Variants in PHEX observed in about 807,000 individuals in gnomAD.
PHEX encodes the protein phosphate-regulating neutral endopeptidase PHEX.
A neutral mutation model predicts 68.0 loss-of-function variants in PHEX; 16 were observed. The observed-to-expected ratio is 0.24, with a 90% confidence interval of 0.16 to 0.36. The LOEUF is 0.36. Among genes scored for constraint, PHEX ranks in the 10% least tolerant of loss-of-function variants. PHEX has a pLI of 1.00. For missense variants in PHEX, 480 were observed against 575.5 expected (o/e 0.83, Z 1.70); for synonymous variants, 208 against 205.1 (o/e 1.01, Z -0.12).
At position 22,099,097 on chromosome X, in the gene PHEX, G is replaced by A. The variant is rs376461141; in HGVS notation, c.1025G>A (p.Arg342His). 4.1e-5 allele frequency: 50 copies of A among 1,205,851 alleles called. 1 individual carries two copies. The South Asian group carries it at 6.7e-4, about 16-fold the overall frequency. Residue 342 changes from arginine to histidine, a missense_variant, in exon 9 of 22, where the codon CGC becomes CAC. Arg to His is a conservative substitution (Grantham distance 29). Coordinates refer to ENST00000379374, the MANE Select transcript of PHEX (RefSeq NM_000444.6). ...DISPSENVVV[R>H]VPQYFKDLFR... ...AGCCCCTCCGAGAATGTGGTGGTCC[G>A]CGTCCCGCAGTACTTTAAAGATTTG...
In PHEX at chrX:22,032,783, CAG is replaced by C. The variant is rs1926854288; in HGVS notation, c.-222_-221del. On this transcript the variant is annotated 5_prime_UTR_variant, in exon 1 of 22. Transcript: ENST00000379374. ...AGCAACACTGTTTGTTTTGTCTAGT[CAG>C]GGGGAAAGCCAAGGCAACCAATATT... is the stretch of plus-strand genomic sequence containing the variant. 4.8e-6 allele frequency: 2 copies of C among 415,943 alleles called. No individual in the cohort carries two copies. The highest frequency in any genetic ancestry group is 8.5e-6 in the Non-Finnish European group (2 of 235,816). 34.3% of individuals were successfully genotyped at this position (415,943 alleles called of 1,213,427 possible). A position where few individuals can be genotyped will look rare whatever the true frequency, so the allele number is the denominator to read the frequency against.
At chrX:22,064,923 A>G (rs922742369) in intron 3 of PHEX, among the ~76,000 whole-genome samples, 1 of 112,387 alleles carries the variant, frequency 8.9e-6, no homozygotes, top group African/African-American at 3.2e-5. Flanking sequence ...ATTGCAGATT[A>G]ATAACCTACC....
intron 3 of PHEX, among the ~76,000 whole-genome samples, chrX:22,075,007 G>A (rs1929083764): frequency 9.3e-6 from 1 of 107,117 alleles, no homozygotes; most frequent in Admixed American, 1.0e-4. Context: ...AACACGGGAG[G>A]CAGAGGCTGC....
At position 22,190,525 on chromosome X, in the gene PHEX, C is replaced by T. The variant is rs1305297922; in HGVS notation, c.1645+23C>T. 7 of 1,034,419 alleles carry T rather than the reference C, an allele frequency of 6.8e-6. No individual in the cohort carries two copies. The Admixed American group carries it at 8.8e-5, about 13-fold the overall frequency. The allele number at this position is 1,034,419 out of a possible 1,213,427, so 85.2% of individuals were successfully genotyped here. On this transcript the variant is annotated intron_variant, in intron 15 of 21. Coordinates refer to ENST00000379374, the MANE Select transcript of PHEX (RefSeq NM_000444.6). The stretch of plus-strand genomic sequence containing the variant: ...TCCGTGAGTACGGGTTCCTTGTCTC[C>T]TTGGTAACCTGGTATAAAATGCAAA...
intron 20 of PHEX, among the ~76,000 whole-genome samples, chrX:22,244,720 G>C (rs1936341355): frequency 8.9e-6 from 1 of 112,082 alleles, no homozygotes; most frequent in South Asian, 3.7e-4. Flanking sequence ...CGTTAGTGTA[G>C]CATCTTAAAT....
intron 13 of PHEX, among the ~76,000 whole-genome samples, 185 bp from the exon 14 acceptor site, chrX:22,178,088 C>T (rs775059921): frequency 4.1e-4 from 46 of 112,163 alleles, no homozygotes; most frequent in Middle Eastern, 4.6e-3. Context: ...GAAGTTTTTA[C>T]GTTAACAAAA....
chrX:22,088,542 C>T (rs1276327910), intron 5 of PHEX, among the ~76,000 whole-genome samples: 1 of 110,999 alleles, frequency 9.0e-6, no homozygotes, highest in Non-Finnish European at 1.9e-5. Context: ...TTTACATTTT[C>T]CTAATGACTA....
intron 12 of PHEX, among the ~76,000 whole-genome samples, chrX:22,162,185 G>T (rs1200103132): frequency 8.9e-6 from 1 of 111,948 alleles, no homozygotes; most frequent in African/African-American, 3.2e-5. Context: ...CAACTTTTGG[G>T]GGGCTGCAAA....
intron 12 of PHEX, chrX:22,163,166 G>A (rs780426252): frequency 8.9e-6 from 1 of 111,925 alleles, no homozygotes; most frequent in East Asian, 2.8e-4. Context: ...CCCTGGACTC[G>A]AGGCAGAAAG....
At chrX:22,242,546 A>T (rs1364862974) in intron 20 of PHEX, among the ~76,000 whole-genome samples, 1 of 111,848 alleles carries the variant, frequency 8.9e-6, no homozygotes, top group Non-Finnish European at 1.9e-5. Flanking sequence ...CTCAGCCCAA[A>T]ATCTCCTTAA....
At chrX:22,181,832 G>A (rs181747176) in intron 14 of PHEX, among the ~76,000 whole-genome samples, 184 of 111,292 alleles carry the variant, frequency 1.7e-3, no homozygotes, top group African/African-American at 5.4e-3. Context: ...TATTTTATTC[G>A]TAGCTATTGT....
chrX:22,050,574 A>G (rs74694206), intron 3 of PHEX, among the ~76,000 whole-genome samples: 1 of 65,967 alleles, frequency 1.5e-5, no homozygotes, highest in African/African-American at 6.5e-5. Flanking sequence ...TCATCTCAGG[A>G]AAAAAAAAAA....
chrX:22,094,331 G>A (rs1930040809), intron 7 of PHEX, among the ~76,000 whole-genome samples: 1 of 112,171 alleles, frequency 8.9e-6, no homozygotes, highest in Admixed American at 9.5e-5. Flanking sequence ...CCACCTCCCT[G>A]GTTTAAGCCC....
rs774670617 is a variant in PHEX at position 22,182,419 on chromosome X, C to T, written c.1586+4043C>T. On this transcript the variant is annotated intron_variant, in intron 14 of 21. Coordinates refer to ENST00000379374, the MANE Select transcript of PHEX (RefSeq NM_000444.6). ...ATCACCGTACTCTCCTTCCCCCAAG[C>T]GCAGAGGTTTTTCTCTCTGTGCCCA... 5.4e-5 allele frequency among the ~76,000 whole-genome samples: 6 copies of T among 111,483 alleles called. No homozygotes were observed. The South Asian group carries it at 1.1e-3, about 21-fold the overall frequency.
In PHEX at chrX:22,221,640, T is replaced by C; in HGVS notation, c.1796T>C (p.Leu599Pro). The C allele has an allele frequency of 8.3e-7, 1 of 1,201,712 alleles. No homozygotes were observed. ...AGAAAATATGATAAAAATGGAAACC[T>C]GGATCCTTGGTGGTCTACTGAATCA... ...NGRKYDKNGN[L>P]DPWWSTESEE... The change falls in exon 18 of 22, where the codon CTG becomes CCG. Residue 599 changes from leucine to proline, a missense_variant. Transcript: ENST00000379374.
intron 14 of PHEX, among the ~76,000 whole-genome samples, chrX:22,189,873 G>T (rs1006661024): frequency 8.9e-6 from 1 of 112,338 alleles, no homozygotes; most frequent in Non-Finnish European, 1.9e-5. Flanking sequence ...CCCCAGGAAG[G>T]TAGGTGACTC....
chrX:22,245,107 T>G (rs978589640), intron 20 of PHEX, among the ~76,000 whole-genome samples: 3 of 112,171 alleles, frequency 2.7e-5, no homozygotes, highest in African/African-American at 6.5e-5. Flanking sequence ...CTGGAAACCT[T>G]TCTCACTTAC....
rs1362049087 is a variant in PHEX, at chrX:22,032,599, C to T, written c.-407C>T. 7.3e-6 allele frequency: 1 copy of T among 136,469 alleles called. No homozygotes were observed. Among genetic ancestry groups the T allele is most frequent in the Admixed American group, 8.0e-5 (1 of 12,461 alleles). 11.2% of individuals were successfully genotyped at this position (136,469 alleles called of 1,213,427 possible). On this transcript the variant is annotated 5_prime_UTR_variant, in exon 1 of 22. Coordinates refer to ENST00000379374, the MANE Select transcript of PHEX (RefSeq NM_000444.6). ...TGATTTGGGGGAGTTTCACGAGAAT[C>T]CAGTTTTGATAAAACAATTGTTTTT...
chrX:22,240,645 A>C (rs969185350), intron 20 of PHEX, among the ~76,000 whole-genome samples: 1 of 91,258 alleles, frequency 1.1e-5, no homozygotes, highest in Non-Finnish European at 2.2e-5. Context: ...AACAAAGATC[A>C]AAAGAGACAA....
Sources: allele counts gnomAD v4.1 joint callset (sites outside exome capture counted in the v4.1 genomes callset), GRCh38; gene constraint gnomAD v4.1.1; transcripts MANE v1.5; gene names NCBI Gene and HGNC (gene_info 2026-07-23, HGNC 2026-07-21).